Variants in DMD observed in about 807,000 individuals in gnomAD.
DMD encodes the protein dystrophin, also known as mutant dystrophin.
In DMD, 63 loss-of-function variants were observed where a neutral mutation model predicts 330.1. The ratio of observed to expected loss-of-function variants is 0.19; its 90% CI spans 0.16 to 0.24. The LOEUF (loss-of-function observed/expected upper bound fraction) is 0.24, where lower values mean the gene tolerates loss of function less well. Ranked by LOEUF, DMD falls within the 10% of genes least tolerant of loss-of-function variation. DMD has a pLI of 1.00. For synonymous variants in DMD, 1,223 were observed against 959.8 expected (o/e 1.27, Z -5.07); for missense variants, 3,344 against 2,684.1 (o/e 1.25, Z -5.43).
intron 2 of DMD, among the ~76,000 whole-genome samples, chrX:32,885,028 T>A (rs947276911): frequency 8.9e-6 from 1 of 112,081 alleles, no homozygotes; most frequent in Non-Finnish European, 1.9e-5. Flanking sequence ...TCAAGGAATA[T>A]GCTCTTGCCA....
chrX:31,394,262 A>G (rs887418703), intron 60 of DMD, among the ~76,000 whole-genome samples: 8 of 112,393 alleles, frequency 7.1e-5, no homozygotes, highest in Non-Finnish European at 1.5e-4. Flanking sequence ...GCTCTGATGG[A>G]AAGGTTTATG....
chrX:31,764,160 G>A (rs1048274490), intron 51 of DMD, among the ~76,000 whole-genome samples: 7 of 111,851 alleles, frequency 6.3e-5, no homozygotes, highest in Middle Eastern at 4.6e-3. Context: ...GTGAGCCATT[G>A]TGTCTGGACC....
intron 59 of DMD, among the ~76,000 whole-genome samples, chrX:31,470,998 C>T (rs1206145603): frequency 9.0e-6 from 1 of 111,727 alleles, no homozygotes; most frequent in Non-Finnish European, 1.9e-5. Flanking sequence ...GTGCCCCTCC[C>T]CACACTAAGC....
chrX:32,251,803 C>T (rs1401489497), intron 43 of DMD, among the ~76,000 whole-genome samples: 1 of 110,564 alleles, frequency 9.0e-6, no homozygotes, highest in Non-Finnish European at 1.9e-5. Context: ...CGTAACAAGA[C>T]CCTGTCTCTT....
chrX:31,343,307 GT>G (rs2057870304), intron 61 of DMD, among the ~76,000 whole-genome samples: 1 of 110,545 alleles, frequency 9.0e-6, no homozygotes, highest in Admixed American at 9.7e-5. Flanking sequence ...CTTTTTCTTG[GT>G]TTAAGTTGTA....
At chrX:32,231,480 C>T (rs2097168945) in intron 43 of DMD, among the ~76,000 whole-genome samples, 1 of 111,978 alleles carries the variant, frequency 8.9e-6, no homozygotes, top group Non-Finnish European at 1.9e-5. Context: ...GTCCCTTTTA[C>T]ATGGGACTCA....
intron 18 of DMD, among the ~76,000 whole-genome samples, chrX:32,514,235 G>GA (rs35838995): frequency 0.031 from 2,391 of 77,214 alleles, 71 homozygotes; most frequent in African/African-American, 0.081. Context: ...AAGGCAGGTG[G>GA]AAAAAAAAAA....
chrX:31,214,215 G>A (rs767042207), intron 64 of DMD, among the ~76,000 whole-genome samples: 6 of 112,307 alleles, frequency 5.3e-5, no homozygotes, highest in Non-Finnish European at 9.4e-5. Flanking sequence ...AATTCAAGTG[G>A]GGCACTTACA....
chrX:32,881,835 CAA>C (rs1445047833), intron 2 of DMD, among the ~76,000 whole-genome samples: 2 of 111,465 alleles, frequency 1.8e-5, no homozygotes, highest in African/African-American at 3.3e-5. Flanking sequence ...AACGCTGAGG[CAA>C]AGACTCTGCA....
At chrX:32,688,429 A>T (rs759949757) in intron 9 of DMD, among the ~76,000 whole-genome samples, 1 of 112,428 alleles carries the variant, frequency 8.9e-6, no homozygotes, top group East Asian at 2.8e-4. Context: ...TATATTTTTA[A>T]GATTACATTA....
intron 13 of DMD, among the ~76,000 whole-genome samples, chrX:32,590,252 C>G (rs1017397587): frequency 8.9e-6 from 1 of 112,332 alleles, no homozygotes; most frequent in Non-Finnish European, 1.9e-5. Flanking sequence ...TTATTAACTG[C>G]ATGAGATAAG....
intron 44 of DMD, among the ~76,000 whole-genome samples, chrX:32,077,719 C>T (rs2096363501): frequency 9.0e-6 from 1 of 111,484 alleles, no homozygotes; most frequent in Non-Finnish European, 1.9e-5. Flanking sequence ...TCCTCTGGAC[C>T]TTCCATATCC....
At chrX:31,993,847 A>G (rs1347049760) in intron 44 of DMD, among the ~76,000 whole-genome samples, 1 of 112,119 alleles carries the variant, frequency 8.9e-6, no homozygotes, top group African/African-American at 3.2e-5. Flanking sequence ...AAAGTTATGT[A>G]AATCTTTGCT....
intron 73 of DMD, among the ~76,000 whole-genome samples, chrX:31,171,049 G>A (rs2039941009): frequency 8.9e-6 from 1 of 111,893 alleles, no homozygotes; most frequent in Non-Finnish European, 1.9e-5. Flanking sequence ...CAAAATCAGT[G>A]AGCCAAAGAA....
At chrX:31,913,567 C>T (rs2094571157) in intron 47 of DMD, among the ~76,000 whole-genome samples, 1 of 111,055 alleles carries the variant, frequency 9.0e-6, no homozygotes. Flanking sequence ...ACCCCTTTCA[C>T]ATTTTAATTA....
chrX:32,979,992 T>C (rs2092660269), intron 2 of DMD, among the ~76,000 whole-genome samples: 2 of 111,501 alleles, frequency 1.8e-5, no homozygotes, highest in African/African-American at 3.3e-5. Context: ...AACTTTACAG[T>C]AATGGACAGC....
chrX:32,094,384 T>A (rs143820412), intron 44 of DMD, among the ~76,000 whole-genome samples: 403 of 112,233 alleles, frequency 3.6e-3, no homozygotes, highest in Non-Finnish European at 6.2e-3. Flanking sequence ...TATTGCATAA[T>A]TGAAGAGTTT....
At chrX:31,635,563 C>A (rs901751086) in intron 54 of DMD, among the ~76,000 whole-genome samples, 10 of 111,516 alleles carry the variant, frequency 9.0e-5, no homozygotes, top group Non-Finnish European at 1.7e-4. Context: ...GGCAAACACA[C>A]AACAGATTCA....
At chrX:33,246,682 GTTTGT>G (rs1355199261) in intron 1 of DMD, among the ~76,000 whole-genome samples, 1 of 110,123 alleles carries the variant, frequency 9.1e-6, no homozygotes, top group Non-Finnish European at 1.9e-5. Context: ...TTGCTTGTTT[GTTTGT>G]TTTGTTTTGT....
Sources: gnomAD v4.1 joint callset for allele counts (sites outside exome capture counted in the v4.1 genomes callset) on GRCh38, gnomAD v4.1.1 for gene constraint, MANE v1.5 for transcripts, NCBI Gene and HGNC (gene_info 2026-07-23, HGNC 2026-07-21) for gene names.